DMD: variants seen among roughly 807,000 people sequenced by gnomAD.
The protein encoded by DMD is dystrophin.
A neutral mutation model predicts 330.1 loss-of-function variants in DMD; 63 were observed. The ratio of observed to expected loss-of-function variants is 0.19; its 90% CI spans 0.16 to 0.24. The LOEUF (loss-of-function observed/expected upper bound fraction) is 0.24, where lower values mean the gene tolerates loss of function less well. DMD is among the 10% of genes least tolerant of loss of function. The pLI is 1.00. For missense variants in DMD, 3,344 were observed against 2,684.1 expected (o/e 1.25, Z -5.43); for synonymous variants, 1,223 against 959.8 (o/e 1.27, Z -5.07).
At chrX:31,618,710 GAAAATCC>G (rs1231702083) in intron 55 of DMD, among the ~76,000 whole-genome samples, 1 of 111,436 alleles carries the variant, frequency 9.0e-6, no homozygotes, top group Non-Finnish European at 1.9e-5. Flanking sequence ...TCCCAAATCT[GAAAATCC>G]AAAATCCAAA....
chrX:32,975,087 G>A (rs2092500150), intron 2 of DMD, among the ~76,000 whole-genome samples: 1 of 110,924 alleles, frequency 9.0e-6, no homozygotes, highest in African/African-American at 3.3e-5. Context: ...GAATAATCAG[G>A]AACCAGTGGA....
intron 17 of DMD, among the ~76,000 whole-genome samples, chrX:32,536,134 C>A (rs2047935507): frequency 9.2e-6 from 1 of 108,853 alleles, no homozygotes; most frequent in Admixed American, 9.8e-5. Flanking sequence ...GCATGGTGGC[C>A]CTTGCCTGTA....
chrX:33,309,427 G>A (rs1315902425), intron 1 of DMD, among the ~76,000 whole-genome samples: 1 of 110,491 alleles, frequency 9.1e-6, no homozygotes, highest in South Asian at 3.7e-4. Context: ...TATTCAGTGA[G>A]AAGAAATGCA....
intron 2 of DMD, among the ~76,000 whole-genome samples, chrX:33,000,334 T>C (rs1602529787): frequency 1.8e-5 from 2 of 112,328 alleles, no homozygotes; most frequent in East Asian, 5.6e-4. Flanking sequence ...ATGCATTTTA[T>C]ATCAACTATA....
chrX:32,235,520 A>ATT (rs200100556), intron 43 of DMD, among the ~76,000 whole-genome samples: 1 of 110,477 alleles, frequency 9.1e-6, no homozygotes. Flanking sequence ...AAAATACTAT[A>ATT]TTTTTTTCAT....
intron 2 of DMD, among the ~76,000 whole-genome samples, chrX:32,923,859 G>C (rs909171548): frequency 9.0e-5 from 10 of 111,387 alleles, no homozygotes; most frequent in African/African-American, 3.3e-4. Flanking sequence ...ATTAGGAAAA[G>C]ATACCCAAGA....
intron 2 of DMD, among the ~76,000 whole-genome samples, chrX:32,945,494 C>G (rs1010799100): frequency 3.6e-5 from 4 of 110,725 alleles, no homozygotes; most frequent in African/African-American, 1.3e-4. Flanking sequence ...CTTATACTTC[C>G]TGTTTCTTTT....
intron 1 of DMD, among the ~76,000 whole-genome samples, chrX:33,240,309 T>C (rs886385614): frequency 8.9e-6 from 1 of 112,290 alleles, no homozygotes. Flanking sequence ...TAAAGTAAGA[T>C]AACGTGGTAT....
chrX:32,101,820 C>T lies in DMD; in HGVS notation c.6438+115096G>A, dbSNP rs187983755. Among the ~76,000 whole-genome samples the T allele has an allele frequency of 7.9e-3, 878 of 111,238 alleles. 13 individuals carry two copies. Among genetic ancestry groups the T allele is most frequent in the African/African-American group, 0.027 (836 of 30,590 alleles). ...CATGTGTTGGAAACTTAATCCCCAA[C>T]GTGGCAGCACCGGGAGATTGTGCCT... is the stretch of plus-strand genomic sequence containing the variant. On this transcript the variant is annotated intron_variant, in intron 44 of 78. Transcript: ENST00000357033.
chrX:32,992,620 C>T (rs1435283213), intron 2 of DMD, among the ~76,000 whole-genome samples: 1 of 111,122 alleles, frequency 9.0e-6, no homozygotes, highest in Non-Finnish European at 1.9e-5. Flanking sequence ...AATTTTCTTT[C>T]TTTAAGAACA....
At chrX:32,948,984 C>T (rs12836835) in intron 2 of DMD, among the ~76,000 whole-genome samples, 7,961 of 110,456 alleles carry the variant, frequency 0.072, 275 homozygotes, top group East Asian at 0.17. Context: ...AAAGTTTTAC[C>T]TCAACATTTA....
chrX:31,645,480 G>C (rs962369980), intron 54 of DMD, among the ~76,000 whole-genome samples: 2 of 112,223 alleles, frequency 1.8e-5, no homozygotes, highest in Admixed American at 1.9e-4. Context: ...TGTCTGAATA[G>C]AGTCAAAATT....
At chrX:31,995,665 A>C (rs756708713) in intron 44 of DMD, among the ~76,000 whole-genome samples, 1 of 111,908 alleles carries the variant, frequency 8.9e-6, no homozygotes, top group African/African-American at 3.2e-5. Flanking sequence ...AGAGCAAATT[A>C]ACTTTCCCTC....
At chrX:33,204,602 T>C (rs2051461048) in intron 1 of DMD, among the ~76,000 whole-genome samples, 1 of 111,848 alleles carries the variant, frequency 8.9e-6, no homozygotes, top group Non-Finnish European at 1.9e-5. Flanking sequence ...TGCGTGTGTG[T>C]GTATTTAATA....
intron 50 of DMD, among the ~76,000 whole-genome samples, chrX:31,802,343 C>T (rs1455770464): frequency 9.0e-6 from 1 of 110,859 alleles, no homozygotes; most frequent in African/African-American, 3.3e-5. Context: ...AACCCAATAA[C>T]CTGCATAGTG....
chrX:31,364,522 A>G (rs990386814), intron 60 of DMD, among the ~76,000 whole-genome samples: 1 of 112,185 alleles, frequency 8.9e-6, no homozygotes, highest in South Asian at 3.7e-4. Flanking sequence ...CCAAGAGTCC[A>G]GCCTAATATA....
At chrX:32,992,613 T>G in intron 2 of DMD, among the ~76,000 whole-genome samples, 1 of 111,540 alleles carries the variant, frequency 9.0e-6, no homozygotes, top group South Asian at 3.8e-4. Flanking sequence ...TTATTTTAAT[T>G]TTCTTTCTTT....
intron 60 of DMD, among the ~76,000 whole-genome samples, chrX:31,415,191 T>C (rs1323512902): frequency 1.8e-5 from 2 of 112,344 alleles, no homozygotes; most frequent in Admixed American, 9.5e-5. Flanking sequence ...TAAACAAAGG[T>C]TGATCCTAAC....
At chrX:31,819,666 A>C (rs2092711793) in intron 50 of DMD, among the ~76,000 whole-genome samples, 1 of 112,912 alleles carries the variant, frequency 8.9e-6, no homozygotes, top group Non-Finnish European at 1.9e-5. Flanking sequence ...GGCTCCTGCG[A>C]GACTGGCTTA....
Sources: allele counts gnomAD v4.1 joint callset (sites outside exome capture counted in the v4.1 genomes callset), GRCh38; gene constraint gnomAD v4.1.1; transcripts MANE v1.5; gene names NCBI Gene and HGNC (gene_info 2026-07-23, HGNC 2026-07-21).